The following IRGM variants were observed in gnomAD, a reference collection of about 807,000 sequenced individuals.
IRGM encodes immunity-related GTPase family M protein.
For missense variants in IRGM, 288 were observed against 219.9 expected, an observed-to-expected ratio of 1.31 and a Z score of -1.96; for synonymous variants, 98 against 80.6, an observed-to-expected ratio of 1.22 and a Z score of -1.16.
At chr5:150,847,357 T>C (rs191236293) in intron 1 of IRGM, 137 bp downstream of exon 1, 7 of 152,450 alleles carry the variant, frequency 4.6e-5, no homozygotes, top group African/African-American at 9.6e-5. Context: ...AAATATGTAC[T>C]GAAACTTGTG....
At chr5:150,853,130 T>A (rs1007461431), downstream of IRGM, among the ~76,000 whole-genome samples, 1 of 152,152 alleles carries the variant, frequency 6.6e-6, no homozygotes, top group African/African-American at 2.4e-5. Context: ...GTCCCATTAG[T>A]TTTTGCAAAT....
At chr5:150,898,558 T>C (rs1404508878) in intron 3 of IRGM, 4 of 1,591,442 alleles carry the variant, frequency 2.5e-6, no homozygotes, top group Non-Finnish European at 3.4e-6. Flanking sequence ...CTAACCCCTG[T>C]AATAGTAAAT....
intron 1 of IRGM, among the ~76,000 whole-genome samples, chr5:150,861,551 T>A (rs1754136227): frequency 6.6e-6 from 1 of 152,212 alleles, no homozygotes; most frequent in Non-Finnish European, 1.5e-5. Flanking sequence ...CTTTCACTTT[T>A]TTTCTCTTTC....
At chr5:150,856,693 C>T (rs1471960869) in intron 1 of IRGM, among the ~76,000 whole-genome samples, 3 of 151,060 alleles carry the variant, frequency 2.0e-5, no homozygotes, top group African/African-American at 7.3e-5. Flanking sequence ...TGGTCTCAAA[C>T]TCTTGGGCTC....
intron 3 of IRGM, among the ~76,000 whole-genome samples, chr5:150,893,070 C>T (rs750556261): frequency 6.6e-6 from 1 of 152,002 alleles, no homozygotes; most frequent in Non-Finnish European, 1.5e-5. Context: ...CTGATCTATA[C>T]TTACTGCTAT....
At chr5:150,881,481 A>G (rs60134818) in intron 3 of IRGM, among the ~76,000 whole-genome samples, 32,689 of 152,034 alleles carry the variant, frequency 0.22, 5,772 homozygotes, top group African/African-American at 0.47. Context: ...AATGCTAAAG[A>G]GAGTTATTCA....
At chr5:150,896,728 A>G in intron 3 of IRGM, 1 of 1,613,678 alleles carries the variant, frequency 6.2e-7, no homozygotes, top group Non-Finnish European at 8.5e-7. Context: ...CACTCTTGAA[A>G]TATTTTCCCC....
intron 2 of IRGM, among the ~76,000 whole-genome samples, chr5:150,878,408 A>C (rs983152288): frequency 3.3e-5 from 5 of 152,114 alleles, no homozygotes; most frequent in Non-Finnish European, 7.4e-5. Flanking sequence ...TATTGTCTTC[A>C]GGAATAAATG....
rs1581636557 is a variant in IRGM, at chr5:150,846,663, C to T, written c.-973C>T. The T allele has an allele frequency of 6.7e-6, 1 of 149,194 alleles. No homozygotes were observed. The highest frequency in any genetic ancestry group is 6.6e-5 in the Admixed American group (1 of 15,138). The allele number at this position is 149,194 out of a possible 1,614,324, so 9.2% of individuals were successfully genotyped here. ...ACCGTGAAGGTCTGCAGCATCACTC[C>T]TGAAACCTGTGAAACAACGAACCCC... On this transcript the variant is annotated 5_prime_UTR_variant, in exon 1 of 2. Transcript: ENST00000522154.
intron 1 of IRGM, among the ~76,000 whole-genome samples, chr5:150,855,172 A>G (rs1299767564): frequency 3.9e-5 from 6 of 152,196 alleles, no homozygotes; most frequent in African/African-American, 7.2e-5. Flanking sequence ...TTTGAGTTAC[A>G]CTTTTCAAAA....
intron 1 of IRGM, among the ~76,000 whole-genome samples, chr5:150,864,362 C>T (rs1021056834): frequency 6.6e-6 from 1 of 152,122 alleles, no homozygotes; most frequent in Non-Finnish European, 1.5e-5. Context: ...GGAATCCTTA[C>T]TTCCCAAGTT....
At position 150,854,397 on chromosome 5, in the gene IRGM, C is replaced by T. The variant is rs148274600; in HGVS notation, c.158+5743C>T. Among the ~76,000 whole-genome samples the T allele has an allele frequency of 1.0e-3, 159 of 151,988 alleles. 1 individual carries two copies. Among genetic ancestry groups the T allele is most frequent in the African/African-American group, 3.6e-3 (149 of 41,466 alleles). Reference sequence around the variant, plus strand: ...ATAATGTCCATGTATTTGCCTTTACCGGAGATCTTTATATTTTCCTATGTG... The same window carrying T: ...ATAATGTCCATGTATTTGCCTTTACTGGAGATCTTTATATTTTCCTATGTG... On this transcript the variant is annotated intron_variant and NMD_transcript_variant, in intron 1 of 3. Coordinates refer to the IRGM transcript ENST00000520549.
intron 3 of IRGM, chr5:150,895,471 A>C: frequency 6.2e-7 from 1 of 1,612,544 alleles, no homozygotes; most frequent in Non-Finnish European, 8.5e-7. Flanking sequence ...GTTAGTTGTG[A>C]CTTCTGGATG....
chr5:150,893,897 C>A (rs1443265642), intron 3 of IRGM, among the ~76,000 whole-genome samples: 1 of 151,900 alleles, frequency 6.6e-6, no homozygotes, highest in South Asian at 2.1e-4. Flanking sequence ...CTTTTCCCAC[C>A]CCAACAATAT....
downstream of IRGM, among the ~76,000 whole-genome samples, chr5:150,852,806 C>T (rs79468427): frequency 0.019 from 2,889 of 151,988 alleles, 40 homozygotes; most frequent in Non-Finnish European, 0.027. Context: ...ATTTCTATTT[C>T]GGGTTAGTTT....
At position 150,848,206 on chromosome 5, in the gene IRGM, T is replaced by C. The variant is rs1290629133; in HGVS notation, c.83T>C (p.Ile28Thr). ...TCTAACATCAAGGAGACTCTGAAGA[T>C]AGTGTCCAGGACACCAGTTAACATC... Reference protein sequence around the residue: ...VISNIKETLKIVSRTPVNITM... With the variant: ...VISNIKETLKTVSRTPVNITM... The change falls in exon 2 of 2, where the codon ATA becomes ACA. Residue 28 changes from isoleucine to threonine, a missense_variant. Physicochemically the swap from Ile to Thr is moderately conservative, Grantham distance 89. Transcript: ENST00000522154. The C allele has an allele frequency of 1.9e-6, 3 of 1,551,770 alleles. No individual in the cohort carries two copies. The highest frequency in any genetic ancestry group is 2.4e-5 in the South Asian group (2 of 84,066).
intron 1 of IRGM, among the ~76,000 whole-genome samples, chr5:150,865,299 G>A (rs1329363496): frequency 6.6e-6 from 1 of 152,066 alleles, no homozygotes; most frequent in African/African-American, 2.4e-5. Flanking sequence ...CAATTCAAAA[G>A]TATATTAGAA....
chr5:150,855,449 C>T (rs1754036045), intron 1 of IRGM, among the ~76,000 whole-genome samples: 1 of 152,020 alleles, frequency 6.6e-6, no homozygotes, highest in African/African-American at 2.4e-5. Context: ...ATTAATTTTT[C>T]TGTTGGCCAC....
intron 1 of IRGM, among the ~76,000 whole-genome samples, chr5:150,856,123 A>C (rs146663319): frequency 4.6e-5 from 7 of 152,290 alleles, no homozygotes; most frequent in Non-Finnish European, 8.8e-5. Flanking sequence ...TAAGTTAAAT[A>C]TGTGATTTAA....
Sources: allele counts gnomAD v4.1 joint callset (sites outside exome capture counted in the v4.1 genomes callset), GRCh38; gene constraint gnomAD v4.1.1; transcripts MANE v1.5; gene names NCBI Gene and HGNC (gene_info 2026-07-23, HGNC 2026-07-21).